The following ARID1B variants were observed in gnomAD, a reference collection of about 807,000 sequenced individuals.
The protein encoded by ARID1B is AT-rich interactive domain-containing protein 1B.
ARID1B carries 30 observed loss-of-function variants against 212.3 expected under a neutral mutation model. The ratio of observed to expected loss-of-function variants is 0.14; its 90% CI spans 0.11 to 0.19. ARID1B has a LOEUF of 0.19. Ranked by LOEUF, ARID1B falls within the 10% of genes least tolerant of loss-of-function variation. The pLI, the probability that ARID1B is intolerant of heterozygous loss-of-function variation, is 1.00. For missense variants in ARID1B, 2,891 were observed against 3,204.0 expected (o/e 0.90, Z 2.36); for synonymous variants, 1,402 against 1,301.7 (o/e 1.08, Z -1.66).
At chr6:156,797,355 A>G (rs1411001891) in intron 1 of ARID1B, among the ~76,000 whole-genome samples, 3 of 152,226 alleles carry the variant, frequency 2.0e-5, no homozygotes, top group Non-Finnish European at 4.4e-5. Flanking sequence ...ATTGGTTTTA[A>G]TGGAGCTGTA....
At chr6:156,897,931 G>A (rs1386051594) in intron 2 of ARID1B, among the ~76,000 whole-genome samples, 1 of 152,150 alleles carries the variant, frequency 6.6e-6, no homozygotes, top group East Asian at 1.9e-4. Context: ...TCATTCAACA[G>A]ATGTTTGTTG....
chr6:157,144,442 A>G (rs1397509981), intron 7 of ARID1B, among the ~76,000 whole-genome samples: 1 of 152,230 alleles, frequency 6.6e-6, no homozygotes, highest in African/African-American at 2.4e-5. Flanking sequence ...GAGGGTGGAA[A>G]CTAGCCCTCA....
chr6:157,058,772 T>G (rs1168914192), intron 4 of ARID1B, among the ~76,000 whole-genome samples: 1 of 152,176 alleles, frequency 6.6e-6, no homozygotes, highest in Non-Finnish European at 1.5e-5. Flanking sequence ...CCCTCATCAT[T>G]TGCAATGCAG....
At chr6:156,916,596 G>A (rs1790375603) in intron 3 of ARID1B, among the ~76,000 whole-genome samples, 1 of 152,118 alleles carries the variant, frequency 6.6e-6, no homozygotes, top group Non-Finnish European at 1.5e-5. Context: ...CTGTGGTTTA[G>A]TTTTTGTTTT....
chr6:156,837,514 T>C (rs1783594205), intron 2 of ARID1B, among the ~76,000 whole-genome samples: 2 of 152,088 alleles, frequency 1.3e-5, no homozygotes, highest in Admixed American at 6.5e-5. Context: ...AGGTTTTTTT[T>C]CTAAAGGTAA....
Position 156,873,315 on chromosome 6 carries a change from T to G in ARID1B, c.1987-28061T>G, listed in dbSNP as rs74473838. Among the ~76,000 whole-genome samples, 682 of 152,358 alleles carry G rather than the reference T, an allele frequency of 4.5e-3. 3 individuals carry two copies. Among genetic ancestry groups the G allele is most frequent in the African/African-American group, 0.016 (645 of 41,578 alleles). On this transcript the variant is annotated intron_variant, in intron 2 of 19. Transcript: ENST00000636930. The stretch of plus-strand genomic sequence containing the variant: ...CTGGATTAGCCCACTGGATAGAATT[T>G]TCTGTCACAATAATTGTGTTCAACT...
At chr6:156,907,512 C>T (rs1789497333) in intron 3 of ARID1B, among the ~76,000 whole-genome samples, 3 of 152,128 alleles carry the variant, frequency 2.0e-5, no homozygotes, top group Admixed American at 1.3e-4. Context: ...ATTCAGTTTA[C>T]TAACATTTGT....
intron 4 of ARID1B, among the ~76,000 whole-genome samples, chr6:156,960,195 C>G (rs2128321029): frequency 6.6e-6 from 1 of 152,202 alleles, no homozygotes; most frequent in East Asian, 1.9e-4. Context: ...TCCCACAGTG[C>G]TGGGATTACA....
chr6:156,998,049 C>G (rs543566938), intron 4 of ARID1B, among the ~76,000 whole-genome samples: 4 of 152,270 alleles, frequency 2.6e-5, no homozygotes, highest in East Asian at 1.9e-4. Flanking sequence ...CGTGACTACT[C>G]CAGAGCATGG....
chr6:156,961,140 C>A (rs34543459), intron 4 of ARID1B, among the ~76,000 whole-genome samples: 6 of 152,200 alleles, frequency 3.9e-5, no homozygotes, highest in South Asian at 2.1e-4. Flanking sequence ...ACACAGCTTA[C>A]TCCAGAAAGA....
chr6:157,144,172 G>A (rs1789562996), intron 7 of ARID1B, among the ~76,000 whole-genome samples: 1 of 152,206 alleles, frequency 6.6e-6, no homozygotes, highest in Non-Finnish European at 1.5e-5. Context: ...TTTCCTTTGT[G>A]TTCATTAAGA....
intron 1 of ARID1B, among the ~76,000 whole-genome samples, chr6:156,802,714 A>G (rs1780874365): frequency 6.6e-6 from 1 of 152,254 alleles, no homozygotes; most frequent in Non-Finnish European, 1.5e-5. Context: ...TGCCATACAG[A>G]GTGCAAAGCT....
intron 4 of ARID1B, among the ~76,000 whole-genome samples, chr6:156,960,499 T>C (rs1038617119): frequency 6.6e-6 from 1 of 152,232 alleles, no homozygotes; most frequent in Non-Finnish European, 1.5e-5. Context: ...TTTGACAAAG[T>C]ATTGGCCTTA....
chr6:157,037,176 G>A (rs969199808), intron 4 of ARID1B, among the ~76,000 whole-genome samples: 1 of 152,172 alleles, frequency 6.6e-6, no homozygotes, highest in African/African-American at 2.4e-5. Context: ...TTTTGCCCCA[G>A]TTTGGGGCTA....
intron 8 of ARID1B, among the ~76,000 whole-genome samples, chr6:157,164,147 C>T (rs1361172238): frequency 2.0e-5 from 3 of 152,192 alleles, no homozygotes; most frequent in Non-Finnish European, 4.4e-5. Flanking sequence ...AAACTGAAAT[C>T]CAAAGGACCA....
chr6:157,053,384 C>T (rs1782733194), intron 4 of ARID1B, among the ~76,000 whole-genome samples: 1 of 152,176 alleles, frequency 6.6e-6, no homozygotes, highest in Non-Finnish European at 1.5e-5. Context: ...CCACCCCTGG[C>T]CTATCATGCA....
intron 4 of ARID1B, 46 bp from the exon 5 acceptor site, chr6:157,084,616 T>G: frequency 1.3e-6 from 2 of 1,584,958 alleles, no homozygotes; most frequent in East Asian, 2.2e-5. Context: ...TGATGAGATA[T>G]TCATCCAAAC....
chr6:157,157,606 G>A (rs1475744301), intron 8 of ARID1B, among the ~76,000 whole-genome samples: 2 of 152,128 alleles, frequency 1.3e-5, no homozygotes, highest in African/African-American at 4.8e-5. Flanking sequence ...AAGTGTCGTG[G>A]GTCACAGGGC....
chr6:157,163,122 T>G (rs1431683249), intron 8 of ARID1B, among the ~76,000 whole-genome samples: 3 of 152,198 alleles, frequency 2.0e-5, no homozygotes, highest in Non-Finnish European at 2.9e-5. Flanking sequence ...GATTTACTTC[T>G]TAACACTCCT....
Sources: allele counts gnomAD v4.1 joint callset (sites outside exome capture counted in the v4.1 genomes callset), GRCh38; gene constraint gnomAD v4.1.1; transcripts MANE v1.5; gene names NCBI Gene and HGNC (gene_info 2026-07-23, HGNC 2026-07-21).